Variants in DLK2 observed in about 807,000 individuals in gnomAD.
The protein encoded by DLK2 is protein delta homolog 2.
A neutral mutation model predicts 31.3 loss-of-function variants in DLK2; 9 were observed. The ratio of observed to expected loss-of-function variants is 0.29; its 90% CI spans 0.17 to 0.50. DLK2 has a LOEUF of 0.50. Ranked by LOEUF, DLK2 falls within the 20% of genes least tolerant of loss-of-function variation. The pLI is 0.98. For missense variants in DLK2, 387 were observed against 526.1 expected, an observed-to-expected ratio of 0.74 and a Z score of 2.59; for synonymous variants, 169 against 201.2, an observed-to-expected ratio of 0.84 and a Z score of 1.35.
At position 43,451,181 on chromosome 6, in the gene DLK2, G is replaced by A; in HGVS notation, c.510C>T (p.Arg170=). The A allele has an allele frequency of 6.2e-7, 1 of 1,614,196 alleles. No individual in the cohort carries two copies. Reference sequence around the variant, plus strand: ...GGCAGTCATCCACATTTACCTCACAGCGGGCACCCACAAAGCCCACCAAGC... The same window carrying A: ...GGCAGTCATCCACATTTACCTCACAACGGGCACCCACAAAGCCCACCAAGC... The part of the protein sequence containing the change: ...CRCLVGFVGA[R]CEVNVDDCLM... Residue 170 remains arginine, a synonymous_variant, in exon 6 of 6, where the codon CGC becomes CGT. Coordinates refer to ENST00000372488, the MANE Select transcript of DLK2 (RefSeq NM_023932.4). This position sits in a 1 kb window ranked among gnomAD's most constrained non-coding sequence, Gnocchi z 4.4.
rs1349727041 is a variant in DLK2 at position 43,453,235 on chromosome 6, G to A, written c.141-100C>T. The A allele has an allele frequency of 4.2e-6, 6 of 1,430,368 alleles. No homozygotes were observed. The highest frequency in any genetic ancestry group is 4.6e-6 in the Non-Finnish European group (5 of 1,082,450). The allele number at this position is 1,430,368 out of a possible 1,614,324, so 88.6% of individuals were successfully genotyped here. ...CTAGAAACCAAGAGGACATATGACA[G>A]CCCCTAAGGGAAAGCAGACCTGTCC... On this transcript the variant is annotated intron_variant, in intron 3 of 5. Coordinates refer to ENST00000372488, the MANE Select transcript of DLK2 (RefSeq NM_023932.4). This position sits in a 1 kb window ranked among gnomAD's most constrained non-coding sequence, Gnocchi z 4.1.
chr6:43,455,849 G>C (rs1475837719), upstream of DLK2: 1 of 152,848 alleles, frequency 6.5e-6, no homozygotes, highest in Admixed American at 6.5e-5. Flanking sequence ...AGCGCTCCGC[G>C]GCCCACGCCC....
rs1439873409 is a variant in DLK2, at chr6:43,454,472, C to T, written c.79G>A (p.Asp27Asn). ...LGAPGQPVRADDCSSHCDLAH... is the reference protein window; with the variant it reads ...LGAPGQPVRANDCSSHCDLAH... ...AGGTCACAGTGGGAGCTGCAGTCAT[C>T]GGCTGCAAGAGATTGATGTGGGAGG... Residue 27 changes from aspartate to asparagine, a missense_variant and splice_region_variant, in exon 3 of 6, where the codon GAT (aspartate) becomes AAT (asparagine). By Grantham distance (23) the Asp-to-Asn change is conservative (BLOSUM62 1). Transcript: ENST00000372488. 6 of 1,591,042 alleles carry T rather than the reference C, an allele frequency of 3.8e-6. No individual in the cohort carries two copies. In the Admixed American group the frequency reaches 5.5e-5, roughly 15 times the overall value.
In DLK2 at chr6:43,453,070, C is replaced by A; in HGVS notation, c.206G>T (p.Gly69Val). ...GCACTGCCATGGCTGGTGGCAGGTA[C>A]CGTGCTGGCAGCCAGGCATCCTCAC... ...RCVRMPGCQH[G>V]TCHQPWQCIC... Residue 69 changes from glycine to valine, a missense_variant, in exon 4 of 6, where the codon GGT (glycine) becomes GTT (valine). Coordinates refer to ENST00000372488, the MANE Select transcript of DLK2 (RefSeq NM_023932.4). The surrounding 1 kb of genome is among the most constrained non-coding windows in gnomAD (Gnocchi z 4.1). 1 of 1,614,160 alleles carries A rather than the reference C, an allele frequency of 6.2e-7. No homozygotes were observed. The highest frequency in any genetic ancestry group is 8.5e-7 in the Non-Finnish European group (1 of 1,180,002).
intron 3 of DLK2, 67 bp downstream of exon 3, chr6:43,454,344 G>A: frequency 3.4e-6 from 5 of 1,475,932 alleles, no homozygotes; most frequent in Non-Finnish European, 4.6e-6. Flanking sequence ...CCTAGACACT[G>A]TTGTGCACGT....
intron 3 of DLK2, 127 bp downstream of exon 3, chr6:43,454,284 G>T: frequency 1.2e-6 from 1 of 812,064 alleles, no homozygotes; most frequent in Non-Finnish European, 1.9e-6. Context: ...AAGGGGGACT[G>T]GCCAGTCAGC....
At chr6:43,452,870 A>G in intron 4 of DLK2, 135 bp downstream of exon 4, 1 of 1,347,394 alleles carries the variant, frequency 7.4e-7, no homozygotes, top group South Asian at 1.4e-5. Flanking sequence ...TAAAAAGTCT[A>G]AGATTTAAAA....
At chr6:43,452,956 C>T in intron 4 of DLK2, 49 bp downstream of exon 4, 3 of 1,610,686 alleles carry the variant, frequency 1.9e-6, no homozygotes, top group Non-Finnish European at 2.5e-6. Context: ...TGGCTGTTCC[C>T]CTAAGAACAT....
intron 1 of DLK2, 146 bp from the exon 2 acceptor site, chr6:43,455,026 G>T: frequency 7.0e-7 from 1 of 1,430,694 alleles, no homozygotes; most frequent in Non-Finnish European, 9.1e-7. Flanking sequence ...GCAGGGAAGG[G>T]TTGAGCAGGC....
rs974390699 is a variant in DLK2, at chr6:43,454,715, CAG to C, written c.76+33_76+34del. 1.9e-6 allele frequency: 3 copies of C among 1,539,258 alleles called. No homozygotes were observed. In the African/African-American group the frequency reaches 4.1e-5, roughly 21 times the overall value. Reference sequence around the variant, plus strand: ...CAACGTGCAAGCGAGGACGGCTGGACAGGGCCGCGACTGGAGCCCAGCGGGCG... The same window carrying C: ...CAACGTGCAAGCGAGGACGGCTGGACGGCCGCGACTGGAGCCCAGCGGGCG... On this transcript the variant is annotated intron_variant, in intron 2 of 5. Coordinates refer to ENST00000372488, the MANE Select transcript of DLK2 (RefSeq NM_023932.4).
intron 1 of DLK2, 164 bp from the exon 2 acceptor site, chr6:43,455,044 G>T (rs1346701785): frequency 1.0e-6 from 1 of 985,058 alleles, no homozygotes; most frequent in African/African-American, 1.7e-5. Context: ...GGCGAAGAGA[G>T]CGAGGAGAGC....
rs1783913290 is a variant in DLK2 at position 43,454,886 on chromosome 6, G to A, written c.-55-6C>T. On this transcript the variant is annotated splice_region_variant and splice_polypyrimidine_tract_variant and intron_variant, in intron 1 of 5. Coordinates refer to ENST00000372488, the MANE Select transcript of DLK2 (RefSeq NM_023932.4). ...ACGGCCGGACGCGTGGACACCTGTGGGACGGCACCGGTTGGGAGGCGGCCG... is the reference window on the plus strand; with the variant it reads ...ACGGCCGGACGCGTGGACACCTGTGAGACGGCACCGGTTGGGAGGCGGCCG... 1 of 1,528,964 alleles carries A rather than the reference G, an allele frequency of 6.5e-7. No homozygotes were observed. The highest frequency in any genetic ancestry group is 1.4e-5 in the African/African-American group (1 of 72,296). The allele number at this position is 1,528,964 out of a possible 1,614,324, so 94.7% of individuals were successfully genotyped here. A position where few individuals can be genotyped will look rare whatever the true frequency, so the allele number is the denominator to read the frequency against.
At position 43,451,511 on chromosome 6, in the gene DLK2, G is replaced by C. The variant is rs1483825690; in HGVS notation, c.417-237C>G. 1.3e-5 allele frequency among the ~76,000 whole-genome samples: 2 copies of C among 152,204 alleles called. No homozygotes were observed. The highest frequency in any genetic ancestry group is 4.8e-5 in the African/African-American group (2 of 41,452). On this transcript the variant is annotated intron_variant, in intron 5 of 5. Coordinates refer to ENST00000372488, the MANE Select transcript of DLK2 (RefSeq NM_023932.4). This position sits in a 1 kb window ranked among gnomAD's most constrained non-coding sequence, Gnocchi z 4.4. ...GGGCCCAGCCAGAAGGCAGGGCTCA[G>C]GGTAAGTGTGCTATTATTATCCTCA...
Position 43,453,165 on chromosome 6 carries a change from C to T in DLK2, c.141-30G>A, listed in dbSNP as rs753203813. 6.4e-7 allele frequency: 1 copy of T among 1,572,790 alleles called. No homozygotes were observed. The highest frequency in any genetic ancestry group is 8.7e-7 in the Non-Finnish European group (1 of 1,154,818). On this transcript the variant is annotated intron_variant, in intron 3 of 5. Transcript: ENST00000372488. The surrounding 1 kb of genome is among the most constrained non-coding windows in gnomAD (Gnocchi z 4.1). ...CGGGGAGAAGCACAGGGTCAGGGCT[C>T]TGGGTCATGGATGTGAAGAAATGGA... is the stretch of plus-strand genomic sequence containing the variant.
chr6:43,455,287 C>G (rs1179634961), intron 1 of DLK2, 108 bp downstream of exon 1: 6 of 123,064 alleles, frequency 4.9e-5, no homozygotes, highest in South Asian at 2.2e-4. Flanking sequence ...GCCCCCCCCC[C>G]CGCCACCACC....
chr6:43,450,708 G>T lies in DLK2; in HGVS notation c.983C>A (p.Thr328Asn), dbSNP rs774403616. Residue 328 changes from threonine (T) to asparagine (N), a missense_variant, in exon 6 of 6, where the codon ACC becomes AAC. Thr to Asn is a moderately conservative substitution (Grantham distance 65). Coordinates refer to ENST00000372488, the MANE Select transcript of DLK2 (RefSeq NM_023932.4). The surrounding 1 kb of genome is among the most constrained non-coding windows in gnomAD (Gnocchi z 4.5). ...AALVLATVLL[T>N]LRAWRRGVCP... ...GACACCCCGGCGCCAGGCCCTCAGGGTCAGCAACACAGTAGCCAGAACCAG... is the reference window on the plus strand; with the variant it reads ...GACACCCCGGCGCCAGGCCCTCAGGTTCAGCAACACAGTAGCCAGAACCAG... The T allele has an allele frequency of 9.3e-6, 15 of 1,613,962 alleles. No homozygotes were observed. The highest frequency in any genetic ancestry group is 1.7e-5 in the Admixed American group (1 of 60,012).
chr6:43,451,856 C>T lies in DLK2; in HGVS notation c.416+84G>A. 1.9e-6 allele frequency: 3 copies of T among 1,544,352 alleles called. No individual in the cohort carries two copies. Among genetic ancestry groups the T allele is most frequent in the East Asian group, 2.3e-5 (1 of 43,196 alleles). Reference sequence around the variant, plus strand: ...GTGGGTCTGACTCTCAGTCCCCCACCCTCCCAACAGTCCTGCCTCTTTTCT... The same window carrying T: ...GTGGGTCTGACTCTCAGTCCCCCACTCTCCCAACAGTCCTGCCTCTTTTCT... On this transcript the variant is annotated intron_variant, in intron 5 of 5. Transcript: ENST00000372488. The surrounding 1 kb of genome is among the most constrained non-coding windows in gnomAD (Gnocchi z 4.4).
In DLK2 at chr6:43,454,770, G is replaced by GTTTTTT. The variant is rs1783907472; in HGVS notation, c.55_56insAAAAAA (p.Ala19delinsGluLysThr). 6.4e-7 allele frequency: 1 copy of GTTTTTT among 1,555,236 alleles called. No individual in the cohort carries two copies. On this transcript the variant is annotated protein_altering_variant, in exon 2 of 6. Transcript: ENST00000372488. Reference sequence around the variant, plus strand: ...CTCACCTCGGACAGGCTGACCGGGAGCCCCCAGAATGCACAACAGGCACAC... The same window carrying GTTTTTT: ...CTCACCTCGGACAGGCTGACCGGGAGTTTTTTCCCCCAGAATGCACAACAGGCACAC...
chr6:43,456,192 A>C (rs1262086087), upstream of DLK2: 1 of 152,214 alleles, frequency 6.6e-6, no homozygotes, highest in African/African-American at 2.4e-5. Flanking sequence ...TGCCTCTGAG[A>C]ATCCTTTCTG....
Sources: gnomAD v4.1 joint callset for allele counts (sites outside exome capture counted in the v4.1 genomes callset) on GRCh38, gnomAD v4.1.1 for gene constraint, Gnocchi (gnomAD v3.1) non-coding constraint, MANE v1.5 for transcripts, NCBI Gene and HGNC (gene_info 2026-07-23, HGNC 2026-07-21) for gene names.